FRMPD2: variants seen among roughly 807,000 people sequenced by gnomAD.
FRMPD2 encodes the protein FERM and PDZ domain containing 2.
Under a neutral mutation model 140.1 loss-of-function variants are expected in FRMPD2, and 96 were observed. That is an observed-to-expected ratio of 0.69 (90% confidence interval 0.58 to 0.81). The LOEUF is 0.81. Among genes scored for constraint, FRMPD2 ranks in the 40% least tolerant of loss-of-function variants. The pLI is 0.00. For synonymous variants in FRMPD2, 449 were observed against 547.6 expected (o/e 0.82, Z 2.52); for missense variants, 1,240 against 1,447.4 (o/e 0.86, Z 2.32).
chr10:48,204,586 T>A (rs914478898), intron 14 of FRMPD2, among the ~76,000 whole-genome samples: 1 of 152,250 alleles, frequency 6.6e-6, no homozygotes, highest in African/African-American at 2.4e-5. Flanking sequence ...AAAAGTATTA[T>A]AGGCATTGTC....
At chr10:48,257,720 C>T (rs751289400) in intron 1 of FRMPD2, among the ~76,000 whole-genome samples, 3 of 152,180 alleles carry the variant, frequency 2.0e-5, no homozygotes, top group Non-Finnish European at 4.4e-5. Context: ...GGGCACAGGG[C>T]ACATACTTAC....
chr10:48,232,081 C>G, intron 10 of FRMPD2, 34 bp downstream of exon 10: 1 of 1,604,972 alleles, frequency 6.2e-7, no homozygotes, highest in Non-Finnish European at 8.5e-7. Flanking sequence ...CCAGAGGCAC[C>G]AGGCCAGCTG....
chr10:48,219,819 A>G (rs1000625135), intron 12 of FRMPD2, among the ~76,000 whole-genome samples: 2 of 152,226 alleles, frequency 1.3e-5, no homozygotes, highest in Non-Finnish European at 2.9e-5. Context: ...AAACTTGCAT[A>G]TGATTCTGCT....
chr10:48,230,878 T>A (rs1839833997), intron 10 of FRMPD2, among the ~76,000 whole-genome samples: 1 of 152,224 alleles, frequency 6.6e-6, no homozygotes, highest in Non-Finnish European at 1.5e-5. Context: ...TCCTGCCTGA[T>A]GTGCAGGCTA....
At chr10:48,234,723 C>T (rs1245518990) in intron 9 of FRMPD2, among the ~76,000 whole-genome samples, 1 of 152,140 alleles carries the variant, frequency 6.6e-6, no homozygotes, top group Non-Finnish European at 1.5e-5. Context: ...ACCCTTCTTG[C>T]ATCTTCCTAG....
intron 7 of FRMPD2, 71 bp downstream of exon 7, chr10:48,239,534 A>G: frequency 9.3e-7 from 1 of 1,074,810 alleles, no homozygotes; most frequent in Non-Finnish European, 1.4e-6. Context: ...CAGTAAAGAA[A>G]TAAGGTACCA....
intron 9 of FRMPD2, among the ~76,000 whole-genome samples, chr10:48,235,254 C>T (rs894914406): frequency 2.6e-5 from 4 of 152,214 alleles, no homozygotes; most frequent in African/African-American, 9.7e-5. Flanking sequence ...AGTTATCATC[C>T]CACTTCATAT....
In FRMPD2 at chr10:48,201,396, A is replaced by G. The variant is rs1381534712; in HGVS notation, c.1798-12T>C. On this transcript the variant is annotated splice_polypyrimidine_tract_variant and intron_variant, in intron 14 of 28. Transcript: ENST00000374201. ...GTGAACTTTTTTTGCTGAAGGAAGCAAACACAGACTTTAATACACTGATCA... is the reference window on the plus strand; with the variant it reads ...GTGAACTTTTTTTGCTGAAGGAAGCGAACACAGACTTTAATACACTGATCA... 4 of 1,612,684 alleles carry G rather than the reference A, an allele frequency of 2.5e-6. No homozygotes were observed. Among genetic ancestry groups the G allele is most frequent in the Non-Finnish European group, 3.4e-6 (4 of 1,179,226 alleles).
At position 48,206,864 on chromosome 10, in the gene FRMPD2, C is replaced by T. The variant is rs998138270; in HGVS notation, c.1681G>A (p.Glu561Lys). 1.2e-6 allele frequency: 2 copies of T among 1,614,006 alleles called. No individual in the cohort carries two copies. Among genetic ancestry groups the T allele is most frequent in the Non-Finnish European group, 1.7e-6 (2 of 1,179,976 alleles). Reference sequence around the variant, plus strand: ...GCACAGATCCCCAGGGCCATCTCCTCTTCTGGCCTCCTCTTCTCTGAGAAT... The same window carrying T: ...GCACAGATCCCCAGGGCCATCTCCTTTTCTGGCCTCCTCTTCTCTGAGAAT... ...QVFSEKRRPEEEMALGICAKG... is the reference protein window; with the variant it reads ...QVFSEKRRPEKEMALGICAKG... Residue 561 changes from glutamate to lysine, a missense_variant, in exon 14 of 29, where the codon GAG (glutamate) becomes AAG (lysine). By Grantham distance (56) the Glu-to-Lys change is moderately conservative. This residue lies in a region of FRMPD2 where 1,161 missense variants were observed against 1,055.9 expected (regional missense o/e 1.10). Coordinates refer to ENST00000374201, the MANE Select transcript of FRMPD2 (RefSeq NM_001018071.4).
intron 23 of FRMPD2, 87 bp from the exon 24 acceptor site, chr10:48,175,042 C>T: frequency 1.6e-6 from 1 of 622,982 alleles, no homozygotes; most frequent in Non-Finnish European, 2.7e-6. Flanking sequence ...CGGCACCCCT[C>T]CATGCAGCCT....
chr10:48,257,340 C>T (rs1316437414), intron 1 of FRMPD2, among the ~76,000 whole-genome samples: 5 of 151,884 alleles, frequency 3.3e-5, no homozygotes, highest in African/African-American at 7.2e-5. Flanking sequence ...AGTGTAGTGG[C>T]GTGATCTCGG....
chr10:48,210,178 T>C (rs1392230128), intron 13 of FRMPD2, among the ~76,000 whole-genome samples: 1 of 152,164 alleles, frequency 6.6e-6, no homozygotes, highest in Admixed American at 6.5e-5. Flanking sequence ...GCTCCCAATG[T>C]GCTCTGGGGA....
intron 8 of FRMPD2, among the ~76,000 whole-genome samples, chr10:48,237,439 C>T (rs1414333856): frequency 6.6e-6 from 1 of 152,192 alleles, no homozygotes; most frequent in African/African-American, 2.4e-5. Context: ...CGTATGGGAA[C>T]CATAGGCCAA....
intron 1 of FRMPD2, among the ~76,000 whole-genome samples, chr10:48,253,573 T>A (rs549913797): frequency 6.6e-6 from 1 of 152,244 alleles, no homozygotes; most frequent in African/African-American, 2.4e-5. Flanking sequence ...GGGGAGACTG[T>A]CAAACAAGAA....
At chr10:48,258,401 C>A (rs1005468315) in intron 1 of FRMPD2, among the ~76,000 whole-genome samples, 1 of 152,186 alleles carries the variant, frequency 6.6e-6, no homozygotes, top group South Asian at 2.1e-4. Context: ...CCTTCCCTGC[C>A]CTGTTTTCTA....
intron 1 of FRMPD2, among the ~76,000 whole-genome samples, chr10:48,260,713 C>T (rs1453918530): frequency 1.3e-5 from 2 of 152,140 alleles, no homozygotes; most frequent in Non-Finnish European, 2.9e-5. Context: ...CCTATTACCC[C>T]ATACATCATG....
At position 48,175,234 on chromosome 10, in the gene FRMPD2, T is replaced by A. The variant is rs545515352; in HGVS notation, c.2990-279A>T. 17 of 701,690 alleles carry A rather than the reference T, an allele frequency of 2.4e-5. No homozygotes were observed. The South Asian group carries it at 3.1e-4, about 13-fold the overall frequency. The allele number at this position is 701,690 out of a possible 1,614,324, so 43.5% of individuals were successfully genotyped here. Reference sequence around the variant, plus strand: ...CTCTGTTCAACCTTATCCTTCCTCCTGTTTTCCTGTGAAACCATTTTTGGA... The same window carrying A: ...CTCTGTTCAACCTTATCCTTCCTCCAGTTTTCCTGTGAAACCATTTTTGGA... On this transcript the variant is annotated intron_variant, in intron 23 of 28. Transcript: ENST00000374201.
chr10:48,268,600 C>G (rs1840716500), intron 1 of FRMPD2, among the ~76,000 whole-genome samples: 1 of 152,204 alleles, frequency 6.6e-6, no homozygotes. Context: ...ATACGTGCAA[C>G]AGCTTGATTA....
intron 15 of FRMPD2, 36 bp downstream of exon 15, chr10:48,201,192 G>A: frequency 4.0e-6 from 6 of 1,482,386 alleles, no homozygotes; most frequent in Middle Eastern, 1.8e-4. Flanking sequence ...TAACAAACTT[G>A]TCAAAGTGTA....
Sources: gnomAD v4.1 joint callset for allele counts (sites outside exome capture counted in the v4.1 genomes callset) on GRCh38, gnomAD v4.1.1 for gene constraint, gnomAD v4.1.1 regional missense constraint, MANE v1.5 for transcripts, NCBI Gene and HGNC (gene_info 2026-07-23, HGNC 2026-07-21) for gene names.